Variants in DNAJC21 observed in about 807,000 individuals in gnomAD.
DNAJC21 encodes DnaJ heat shock protein family (Hsp40) member C21.
DNAJC21 carries 63 observed loss-of-function variants against 72.4 expected under a neutral mutation model. That is an observed-to-expected ratio of 0.87 (90% confidence interval 0.71 to 1.07). The LOEUF (loss-of-function observed/expected upper bound fraction) is 1.07. DNAJC21 is among the 50% of genes least tolerant of loss of function. The pLI, the probability that DNAJC21 is intolerant of heterozygous loss-of-function variation, is 0.00. For synonymous variants in DNAJC21, 203 were observed against 216.7 expected (o/e 0.94, Z 0.56); for missense variants, 634 against 644.8 (o/e 0.98, Z 0.18).
In DNAJC21 at chr5:34,950,330, G is replaced by A; in HGVS notation, c.1346G>A (p.Ser449Asn). Residue 449 changes from serine (S) to asparagine (N), a missense_variant, in exon 10 of 12, where the codon AGT (serine) becomes AAT (asparagine). Coordinates refer to ENST00000648817, the MANE Select transcript of DNAJC21 (RefSeq NM_001012339.3). ...EIIKPCDDPKSEAKSVPKPKG... is the reference protein window; with the variant it reads ...EIIKPCDDPKNEAKSVPKPKG... ...ATTAAACCATGTGATGATCCAAAAA[G>A]TGAAGCTAAAAGGTAAGTCAAAGTT... The A allele has an allele frequency of 1.9e-6, 3 of 1,609,796 alleles. No homozygotes were observed. Among genetic ancestry groups the A allele is most frequent in the East Asian group, 2.2e-5 (1 of 44,760 alleles).
intron 11 of DNAJC21, among the ~76,000 whole-genome samples, 182 bp from the exon 12 acceptor site, chr5:34,954,371 T>G (rs1454590389): frequency 6.6e-6 from 1 of 152,256 alleles, no homozygotes; most frequent in Non-Finnish European, 1.5e-5. Flanking sequence ...GTTAATCGTG[T>G]TGATTAGTGG....
intron 7 of DNAJC21, 133 bp downstream of exon 7, chr5:34,941,316 G>T: frequency 5.1e-6 from 4 of 778,388 alleles, no homozygotes; most frequent in Non-Finnish European, 8.4e-6. Context: ...TCCCATGTCA[G>T]CCTCCCAAGT....
intron 7 of DNAJC21, 111 bp downstream of exon 7, chr5:34,941,294 C>A: frequency 1.1e-6 from 1 of 933,886 alleles, no homozygotes; most frequent in Non-Finnish European, 1.7e-6. Flanking sequence ...ACCTGTTGAA[C>A]TCAGATGATC....
At chr5:34,949,014 A>T (rs1418809188) in intron 9 of DNAJC21, among the ~76,000 whole-genome samples, 1 of 152,222 alleles carries the variant, frequency 6.6e-6, no homozygotes, top group Non-Finnish European at 1.5e-5. Context: ...AGAATCATTA[A>T]TAGATGCCAA....
intron 6 of DNAJC21, among the ~76,000 whole-genome samples, chr5:34,939,487 G>T (rs978074855): frequency 4.6e-5 from 7 of 151,514 alleles, no homozygotes; most frequent in African/African-American, 1.5e-4. Flanking sequence ...GGATGGTCTC[G>T]ATCTCCTGAC....
Position 34,929,747 on chromosome 5 carries a change from C to T in DNAJC21, c.-73C>T. On this transcript the variant is annotated 5_prime_UTR_variant, in exon 1 of 12. Transcript: ENST00000648817. ...GAGAGGACTGCCAGCGCCGCCGCCGCCGCCGCTTCGGCCCGGGCCCGGGCC... is the reference window on the plus strand; with the variant it reads ...GAGAGGACTGCCAGCGCCGCCGCCGTCGCCGCTTCGGCCCGGGCCCGGGCC... 1.3e-6 allele frequency: 1 copy of T among 777,870 alleles called. No homozygotes were observed. The highest frequency in any genetic ancestry group is 1.6e-6 in the Non-Finnish European group (1 of 627,006). 48.2% of individuals were successfully genotyped at this position (777,870 alleles called of 1,614,324 possible).
At chr5:34,954,060 G>T (rs1471451443) in intron 11 of DNAJC21, 59 bp downstream of exon 11, 2 of 1,454,924 alleles carry the variant, frequency 1.4e-6, no homozygotes, top group African/African-American at 1.4e-5. Flanking sequence ...GCAGTATAAT[G>T]ATCTAAAGAT....
At chr5:34,931,821 G>A (rs536628962) in intron 1 of DNAJC21, among the ~76,000 whole-genome samples, 51 of 152,242 alleles carry the variant, frequency 3.3e-4, no homozygotes, top group Admixed American at 5.9e-4. Context: ...GGGAGGAGAT[G>A]TTGGGAAGGA....
chr5:34,945,144 C>T, intron 8 of DNAJC21, 119 bp downstream of exon 8: 12 of 1,196,394 alleles, frequency 1.0e-5, no homozygotes, highest in Non-Finnish European at 1.3e-5. Flanking sequence ...GTGGCGCAGT[C>T]TCAGCTCACT....
At chr5:34,950,092 C>T (rs1394186795) in intron 9 of DNAJC21, 78 bp from the exon 10 acceptor site, 6 of 1,454,024 alleles carry the variant, frequency 4.1e-6, no homozygotes, top group Non-Finnish European at 5.5e-6. Flanking sequence ...AGGTATATAA[C>T]TATTTGGCAA....
rs184451333 is a variant in DNAJC21 at position 34,957,590 on chromosome 5, G to A, written c.*2876G>A. The A allele has an allele frequency of 6.6e-6, 1 of 152,190 alleles. No homozygotes were observed. Among genetic ancestry groups the A allele is most frequent in the East Asian group, 1.9e-4 (1 of 5,192 alleles). 9.4% of individuals were successfully genotyped at this position (152,190 alleles called of 1,614,324 possible). On this transcript the variant is annotated 3_prime_UTR_variant, in exon 12 of 12. Coordinates refer to ENST00000648817, the MANE Select transcript of DNAJC21 (RefSeq NM_001012339.3). ...TTGGTACCATGAGAAGACTTATAAA[G>A]GATTTCATCAGAAGTTTTCATTTTT... is the stretch of plus-strand genomic sequence containing the variant.
intron 10 of DNAJC21, chr5:34,951,480 C>T (rs1765361271): frequency 1.0e-6 from 1 of 985,242 alleles, no homozygotes; most frequent in Admixed American, 6.2e-5. Context: ...GGCTCTGGGC[C>T]CCTGAACCCC....
chr5:34,950,496 T>C, intron 10 of DNAJC21, 154 bp downstream of exon 10: 1 of 1,337,538 alleles, frequency 7.5e-7, no homozygotes. Context: ...CACACATATG[T>C]ATACAGATGA....
chr5:34,945,897 T>G (rs556928870), intron 9 of DNAJC21, 94 bp downstream of exon 9: 1 of 811,452 alleles, frequency 1.2e-6, no homozygotes, highest in Non-Finnish European at 1.9e-6. Context: ...GAGAGAAACT[T>G]ATACTCCATA....
Position 34,936,146 on chromosome 5 carries a change from A to T in DNAJC21, c.318A>T (p.Gly106=). The change falls in exon 4 of 12, where the codon GGA becomes GGT. Residue 106 remains glycine (G), a splice_region_variant and synonymous_variant. Transcript: ENST00000648817. Reference sequence around the variant, plus strand: ...TTGTTTTTGTTACTGTTTTTTAGGGATTTTACACGGTGTATCGTAATGTTT... The same window carrying T: ...TTGTTTTTGTTACTGTTTTTTAGGGTTTTTACACGGTGTATCGTAATGTTT... The part of the protein sequence containing the change: ...CYSGYGDDEK[G]FYTVYRNVFE... The T allele has an allele frequency of 6.2e-7, 1 of 1,610,948 alleles. No homozygotes were observed. The highest frequency in any genetic ancestry group is 8.5e-7 in the Non-Finnish European group (1 of 1,179,182).
At chr5:34,950,926 C>G (rs1765343460) in intron 10 of DNAJC21, 1 of 985,324 alleles carries the variant, frequency 1.0e-6, no homozygotes, top group Admixed American at 6.2e-5. Flanking sequence ...CTCGGTTCCT[C>G]TAGAACAGAG....
Position 34,950,358 on chromosome 5 carries a change from A to G in DNAJC21, c.1358+16A>G, listed in dbSNP as rs1416321878. The G allele has an allele frequency of 6.2e-7, 1 of 1,602,236 alleles. No homozygotes were observed. The highest frequency in any genetic ancestry group is 2.2e-5 in the East Asian group (1 of 44,666). On this transcript the variant is annotated intron_variant, in intron 10 of 11. Transcript: ENST00000648817. ...AAGCTAAAAGGTAAGTCAAAGTTGC[A>G]TATTATTTGTAAATTACTGAATATT...
intron 8 of DNAJC21, 165 bp from the exon 9 acceptor site, chr5:34,945,596 A>G: frequency 1.7e-6 from 1 of 581,898 alleles, no homozygotes; most frequent in Non-Finnish European, 2.9e-6. Context: ...CTCTAAAATG[A>G]CAATGTGAAT....
At chr5:34,944,758 G>T in intron 7 of DNAJC21, 109 bp from the exon 8 acceptor site, 1 of 1,408,974 alleles carries the variant, frequency 7.1e-7, no homozygotes, top group Non-Finnish European at 9.8e-7. Context: ...GAAACGTTTT[G>T]CTTAGTGGGA....
Sources: allele counts gnomAD v4.1 joint callset (sites outside exome capture counted in the v4.1 genomes callset), GRCh38; gene constraint gnomAD v4.1.1; transcripts MANE v1.5; gene names NCBI Gene and HGNC (gene_info 2026-07-23, HGNC 2026-07-21).